Variants in KIAA1586 observed in about 807,000 individuals in gnomAD.
KIAA1586 encodes KIAA1586, also known as E3 SUMO-protein ligase KIAA1586.
Under a neutral mutation model 6.1 loss-of-function variants are expected in KIAA1586, and 5 were observed. The ratio of observed to expected loss-of-function variants is 0.82; its 90% CI spans 0.43 to 1.73. The LOEUF (loss-of-function observed/expected upper bound fraction) is 1.73. KIAA1586 is among the 40% of genes most tolerant of loss of function. KIAA1586 has a pLI of 0.02. For synonymous variants in KIAA1586, 280 were observed against 301.7 expected, an observed-to-expected ratio of 0.93 and a Z score of 0.75; for missense variants, 899 against 878.2, an observed-to-expected ratio of 1.02 and a Z score of -0.30.
rs764785876 is a variant in KIAA1586 at position 57,053,913 on chromosome 6, G to T, written c.1414G>T (p.Glu472Ter). Residue 472 changes from glutamate to a stop codon, truncating the protein, a stop_gained, in exon 4 of 4, where the codon GAA becomes TAA. Transcript: ENST00000370733. LOFTEE classifies it low-confidence loss of function (END_TRUNC). ...AACTGTAGCTAAAGAACTTGAAACT[G>T]AAATTATTAAAATTGGTCGAGTAAT... ...LGTVAKELETEIIKIGRVMGP... is the reference protein window; with the variant it reads ...LGTVAKELET The T allele has an allele frequency of 6.3e-7, 1 of 1,583,094 alleles. No homozygotes were observed. Among genetic ancestry groups the T allele is most frequent in the Admixed American group, 1.9e-5 (1 of 53,552 alleles).
Position 57,054,632 on chromosome 6 carries a change from C to T in KIAA1586, c.2133C>T (p.Phe711=). 6.3e-7 allele frequency: 1 copy of T among 1,587,216 alleles called. No individual in the cohort carries two copies. The highest frequency in any genetic ancestry group is 8.6e-7 in the Non-Finnish European group (1 of 1,163,884). The change falls in exon 4 of 4, where the codon TTC becomes TTT. Residue 711 remains phenylalanine, a synonymous_variant. Transcript: ENST00000370733. ...AINSAEAERG[F]NLMNIICTRV... is the part of the protein sequence containing the mutation. ...ATAGTGCTGAAGCTGAAAGGGGTTT[C>T]AATTTAATGAACATAATTTGTACAA...
In KIAA1586 at chr6:57,053,507, C is replaced by G; in HGVS notation, c.1008C>G (p.Cys336Trp). ...KKTTLVIYLQCTIQSAPAPVM... is the reference protein window; with the variant it reads ...KKTTLVIYLQWTIQSAPAPVM... ...CCACCCTAGTGATTTATCTCCAGTG[C>G]ACAATTCAGTCAGCTCCTGCACCTG... The change falls in exon 4 of 4, where the codon TGC becomes TGG. Residue 336 changes from cysteine (C) to tryptophan (W), a missense_variant. Physicochemically the swap from Cys to Trp is radical, Grantham distance 215. Transcript: ENST00000370733. 1.2e-6 allele frequency: 2 copies of G among 1,613,562 alleles called. No individual in the cohort carries two copies. Among genetic ancestry groups the G allele is most frequent in the Non-Finnish European group, 1.7e-6 (2 of 1,179,762 alleles).
At position 57,053,685 on chromosome 6, in the gene KIAA1586, C is replaced by T. The variant is rs760117655; in HGVS notation, c.1186C>T (p.Leu396=). Residue 396 remains leucine, a synonymous_variant, in exon 4 of 4, where the codon CTG becomes TTG. Transcript: ENST00000370733. ...AFCSDGANTI[L]GRKSGVATKL... ...TTGTTCTGATGGTGCTAATACAATC[C>T]TGGGAAGAAAGTCTGGAGTAGCTAC... 6.2e-7 allele frequency: 1 copy of T among 1,611,424 alleles called. No homozygotes were observed. The highest frequency in any genetic ancestry group is 1.1e-5 in the South Asian group (1 of 90,844).
At chr6:57,055,239 T>TACA (rs1370560945), downstream of KIAA1586, 1 of 154,374 alleles carries the variant, frequency 6.5e-6, no homozygotes, top group East Asian at 1.9e-4. Context: ...TTTTGGCTCT[T>TACA]GTCTTTCTCA....
chr6:57,066,131 T>C, the KIAA1586 span, among the ~76,000 whole-genome samples: 2 of 140,012 alleles, frequency 1.4e-5, no homozygotes, highest in African/African-American at 5.4e-5. Flanking sequence ...AAAAAAAAAA[T>C]AGCCAGGCAT....
chr6:57,056,183 G>A (rs1478590200), downstream of KIAA1586, among the ~76,000 whole-genome samples: 1 of 151,580 alleles, frequency 6.6e-6, no homozygotes, highest in Non-Finnish European at 1.5e-5. Flanking sequence ...CGAGTAGCTA[G>A]GATTACAGGA....
chr6:57,050,273 A>C, intron 2 of KIAA1586, among the ~76,000 whole-genome samples: 1 of 148,730 alleles, frequency 6.7e-6, no homozygotes. Context: ...TTTTACTAGC[A>C]GGAACAGTAT....
chr6:57,063,547 A>G, the KIAA1586 span, among the ~76,000 whole-genome samples: 1 of 128,594 alleles, frequency 7.8e-6, no homozygotes, highest in Non-Finnish European at 1.5e-5. Context: ...TCCTCCTCCC[A>G]TGCTCAAGCA....
In KIAA1586 at chr6:57,053,585, T is replaced by G; in HGVS notation, c.1086T>G (p.Ile362Met). 1.2e-6 allele frequency: 2 copies of G among 1,608,894 alleles called. No homozygotes were observed. Among genetic ancestry groups the G allele is most frequent in the Non-Finnish European group, 1.7e-6 (2 of 1,175,986 alleles). Residue 362 changes from isoleucine to methionine, a missense_variant, in exon 4 of 4, where the codon ATT becomes ATG. Coordinates refer to ENST00000370733, the MANE Select transcript of KIAA1586 (RefSeq NM_020931.4). ...KELVSTIAEC[I>M]VNTLLTTLND... Reference sequence around the variant, plus strand: ...TGGTGTCAACTATAGCAGAGTGTATTGTCAATACATTATTGACTACTTTAA... The same window carrying G: ...TGGTGTCAACTATAGCAGAGTGTATGGTCAATACATTATTGACTACTTTAA...
chr6:57,051,611 C>T lies in KIAA1586; in HGVS notation c.186+757C>T, dbSNP rs999135654. ...TGTCTCTGCTAGACTAAATGCAATA[C>T]AAAAAAATTGAGGAAGTTGCTTTGC... On this transcript the variant is annotated intron_variant, in intron 3 of 3. Coordinates refer to ENST00000370733, the MANE Select transcript of KIAA1586 (RefSeq NM_020931.4). Among the ~76,000 whole-genome samples the T allele has an allele frequency of 3.3e-5, 5 of 150,844 alleles. 1 individual carries two copies. Among genetic ancestry groups the T allele is most frequent in the African/African-American group, 1.2e-4 (5 of 40,262 alleles).
the KIAA1586 span, among the ~76,000 whole-genome samples, chr6:57,062,594 C>T: frequency 1.3e-5 from 2 of 152,158 alleles, no homozygotes; most frequent in African/African-American, 4.8e-5. Context: ...AATAGTTTAA[C>T]TATACATGGA....
chr6:57,058,844 G>C (rs1192889367), downstream of KIAA1586, among the ~76,000 whole-genome samples: 2 of 152,138 alleles, frequency 1.3e-5, no homozygotes, highest in Non-Finnish European at 2.9e-5. Flanking sequence ...TTGCTTTTCA[G>C]TATACTCAGT....
chr6:57,053,984 A>G lies in KIAA1586; in HGVS notation c.1485A>G (p.Val495=), dbSNP rs1245682769. 1.9e-6 allele frequency: 3 copies of G among 1,600,960 alleles called. No homozygotes were observed. The highest frequency in any genetic ancestry group is 2.6e-6 in the Non-Finnish European group (3 of 1,175,264). The change falls in exon 4 of 4, where the codon GTA becomes GTG. Residue 495 remains valine (V), a synonymous_variant. Transcript: ENST00000370733. Reference sequence around the variant, plus strand: ...GTAGTTTACAAGCTGCTACTGCTGTATGGCATGCATATCCTATATTATATA... The same window carrying G: ...GTAGTTTACAAGCTGCTACTGCTGTGTGGCATGCATATCCTATATTATATA... ...AACSLQAATA[V]WHAYPILYMH...
Position 57,053,081 on chromosome 6 carries a change from T to TA in KIAA1586, c.584dup (p.Asn195LysfsTer2). 6.2e-7 allele frequency: 1 copy of TA among 1,610,974 alleles called. No individual in the cohort carries two copies. Among genetic ancestry groups the TA allele is most frequent in the Non-Finnish European group, 8.5e-7 (1 of 1,179,064 alleles). ...CATATTTAGTAACCCCTAATGGCAG[T>TA]AATAAAACTACTAGGCAAGCTTCTC... On this transcript the variant is annotated frameshift_variant, in exon 4 of 4. Transcript: ENST00000370733. LOFTEE classifies it low-confidence loss of function (END_TRUNC).
At chr6:57,050,721 G>C in intron 2 of KIAA1586, 53 bp from the exon 3 acceptor site, 3 of 1,257,632 alleles carry the variant, frequency 2.4e-6, no homozygotes, top group Non-Finnish European at 3.4e-6. Context: ...TTAAATTTAA[G>C]TTTAATTGGA....
At chr6:57,063,250 C>T in the KIAA1586 span, among the ~76,000 whole-genome samples, 1 of 151,912 alleles carries the variant, frequency 6.6e-6, no homozygotes, top group Admixed American at 6.6e-5. Flanking sequence ...AAGTAATCAA[C>T]AAATATTACC....
chr6:57,065,092 G>A, the KIAA1586 span, among the ~76,000 whole-genome samples: 1 of 152,018 alleles, frequency 6.6e-6, no homozygotes, highest in Non-Finnish European at 1.5e-5. Flanking sequence ...AGGAAGTATC[G>A]TTTTGCTGAT....
At chr6:57,050,191 A>G (rs1828282276) in intron 2 of KIAA1586, among the ~76,000 whole-genome samples, 1 of 150,994 alleles carries the variant, frequency 6.6e-6, no homozygotes, top group South Asian at 2.1e-4. Flanking sequence ...AAAGGAATCT[A>G]CATGGCTTTA....
chr6:57,054,370 A>G lies in KIAA1586; in HGVS notation c.1871A>G (p.His624Arg), dbSNP rs767022634. ...MNLRLLSDRNHEDIFNYFDLL... is the reference protein window; with the variant it reads ...MNLRLLSDRNREDIFNYFDLL... ...CTACGCCTTTTATCTGACAGAAACC[A>G]TGAAGATATTTTTAATTACTTTGAT... is the stretch of plus-strand genomic sequence containing the variant. The change falls in exon 4 of 4, where the codon CAT (histidine) becomes CGT (arginine). Residue 624 changes from histidine to arginine, a missense_variant. By Grantham distance (29) the His-to-Arg change is conservative. Coordinates refer to ENST00000370733, the MANE Select transcript of KIAA1586 (RefSeq NM_020931.4). 6.8e-6 allele frequency: 11 copies of G among 1,608,352 alleles called. No homozygotes were observed. The highest frequency in any genetic ancestry group is 1.7e-4 in the Middle Eastern group (1 of 6,042).
Sources: allele counts gnomAD v4.1 joint callset (sites outside exome capture counted in the v4.1 genomes callset), GRCh38; gene constraint gnomAD v4.1.1; transcripts MANE v1.5; gene names NCBI Gene and HGNC (gene_info 2026-07-23, HGNC 2026-07-21).